The following TMEM43 variants were observed in gnomAD, a reference collection of about 807,000 sequenced individuals.
The protein encoded by TMEM43 is transmembrane protein 43.
A neutral mutation model predicts 49.6 loss-of-function variants in TMEM43; 45 were observed. That is an observed-to-expected ratio of 0.91 (90% CI 0.71 to 1.16). TMEM43 has a LOEUF of 1.16. Ranked by LOEUF, TMEM43 falls within the 50% of genes most tolerant of loss-of-function variation. The probability of loss-of-function intolerance (pLI) is 0.00; values close to 1 mark genes in which losing one functional copy is unlikely to be tolerated. For synonymous variants in TMEM43, 199 were observed against 207.8 expected (o/e 0.96, Z 0.36); for missense variants, 532 against 516.6 (o/e 1.03, Z -0.29).
At chr3:14,135,336 G>T in intron 9 of TMEM43, 104 bp downstream of exon 9, 1 of 965,370 alleles carries the variant, frequency 1.0e-6, no homozygotes. Flanking sequence ...CCTTTTCCCT[G>T]GGGAAAGGCA....
chr3:14,132,514 T>C (rs765773804), intron 4 of TMEM43, 32 bp from the exon 5 acceptor site: 67 of 1,613,868 alleles, frequency 4.2e-5, no homozygotes, highest in Non-Finnish European at 5.3e-5. Context: ...GCGACGAGGC[T>C]AACCCCCGTG....
At chr3:14,132,654 G>A (rs1272658806) in intron 5 of TMEM43, 59 bp downstream of exon 5, 2 of 1,586,050 alleles carry the variant, frequency 1.3e-6, no homozygotes, top group Non-Finnish European at 8.7e-7. Context: ...AGTGGTGGCT[G>A]GACAGCAGGG....
Position 14,142,387 on chromosome 3 carries a change from C to T in TMEM43, c.*592C>T, listed in dbSNP as rs1479951946. 2 of 158,112 alleles carry T rather than the reference C, an allele frequency of 1.3e-5. No homozygotes were observed. The highest frequency in any genetic ancestry group is 1.2e-4 in the Admixed American group (2 of 16,710). 9.8% of individuals were successfully genotyped at this position (158,112 alleles called of 1,614,324 possible). On this transcript the variant is annotated 3_prime_UTR_variant, in exon 12 of 12. Transcript: ENST00000306077. ...AAAAGAGAAGAAACACTGAAGATGT[C>T]CTGAGGAGAAAAGCTGGACATATAC... is the stretch of plus-strand genomic sequence containing the variant.
intron 10 of TMEM43, chr3:14,137,780 C>T (rs1468269584): frequency 1.3e-5 from 2 of 152,268 alleles, no homozygotes; most frequent in African/African-American, 4.8e-5. Flanking sequence ...GTAATAGTCA[C>T]ATCATCCCTA....
intron 8 of TMEM43, 105 bp from the exon 9 acceptor site, chr3:14,135,053 G>A: frequency 6.8e-7 from 1 of 1,479,332 alleles, no homozygotes; most frequent in South Asian, 1.1e-5. Context: ...GGGCACGGGT[G>A]TGGAGGTGGG....
chr3:14,130,044 T>TCTTC (rs919774984), intron 2 of TMEM43, among the ~76,000 whole-genome samples: 2 of 150,024 alleles, frequency 1.3e-5, no homozygotes, highest in Non-Finnish European at 1.5e-5. Flanking sequence ...TTTGTTCCTT[T>TCTTC]CTTCCTTCCT....
chr3:14,141,924 A>C lies in TMEM43; in HGVS notation c.*129A>C. 2 of 880,412 alleles carry C rather than the reference A, an allele frequency of 2.3e-6. No homozygotes were observed. The highest frequency in any genetic ancestry group is 3.4e-6 in the Non-Finnish European group (2 of 581,352). 54.5% of individuals were successfully genotyped at this position (880,412 alleles called of 1,614,324 possible). On this transcript the variant is annotated 3_prime_UTR_variant, in exon 12 of 12. Coordinates refer to ENST00000306077, the MANE Select transcript of TMEM43 (RefSeq NM_024334.3). ...GGACTCTGCACTCCCTCTCCTCTTC[A>C]GGGGCCAGACTTGGCAGCATGTGCA...
intron 6 of TMEM43, 107 bp from the exon 7 acceptor site, chr3:14,133,632 C>T (rs538468268): frequency 2.0e-6 from 2 of 1,023,864 alleles, no homozygotes; most frequent in South Asian, 2.5e-5. Flanking sequence ...CTAATCTGGA[C>T]TTGCAGGAAC....
At chr3:14,133,910 G>C in intron 7 of TMEM43, 101 bp downstream of exon 7, 1 of 1,075,456 alleles carries the variant, frequency 9.3e-7, no homozygotes, top group South Asian at 1.2e-5. Flanking sequence ...AAAGGCACAG[G>C]ATCAGTCTGC....
intron 11 of TMEM43, 110 bp from the exon 12 acceptor site, chr3:14,141,483 C>T (rs1164951764): frequency 5.7e-6 from 6 of 1,053,318 alleles, no homozygotes; most frequent in South Asian, 1.3e-5. Context: ...CCTCTCCCCT[C>T]CTCATGCATG....
At chr3:14,132,470 C>T in intron 4 of TMEM43, 76 bp from the exon 5 acceptor site, 1 of 1,543,202 alleles carries the variant, frequency 6.5e-7, no homozygotes, top group Non-Finnish European at 9.0e-7. Flanking sequence ...GAGGTTGCTT[C>T]CTGCTCAGAT....
chr3:14,135,659 C>T, intron 9 of TMEM43, 148 bp from the exon 10 acceptor site: 1 of 637,286 alleles, frequency 1.6e-6, no homozygotes, highest in South Asian at 1.8e-5. Context: ...GTGGATGCAT[C>T]CCAGATGGAT....
intron 10 of TMEM43, among the ~76,000 whole-genome samples, chr3:14,138,279 A>C (rs972351050): frequency 6.6e-6 from 1 of 152,214 alleles, no homozygotes; most frequent in African/African-American, 2.4e-5. Flanking sequence ...AGCAGCCAGC[A>C]GGGTCAGGGC....
chr3:14,136,826 C>T (rs952156294), intron 10 of TMEM43, among the ~76,000 whole-genome samples: 2 of 148,978 alleles, frequency 1.3e-5, no homozygotes, highest in Admixed American at 6.8e-5. Flanking sequence ...ATGCCTACCC[C>T]GGGTCCCAAG....
At chr3:14,130,671 C>T (rs1695080896) in intron 2 of TMEM43, 151 bp from the exon 3 acceptor site, 1 of 1,005,000 alleles carries the variant, frequency 1.0e-6, no homozygotes, top group Non-Finnish European at 1.4e-6. Context: ...CCTTACTCTC[C>T]ACTTGCTAGA....
At chr3:14,135,130 A>G in intron 8 of TMEM43, 28 bp from the exon 9 acceptor site, 11 of 1,603,486 alleles carry the variant, frequency 6.9e-6, no homozygotes, top group Non-Finnish European at 9.4e-6. Context: ...TCCGTTCCTC[A>G]CTCTCCCTGC....
At chr3:14,125,954 G>T (rs1243142236) in intron 1 of TMEM43, among the ~76,000 whole-genome samples, 1 of 152,160 alleles carries the variant, frequency 6.6e-6, no homozygotes, top group Non-Finnish European at 1.5e-5. Context: ...AGAAGCTGGT[G>T]ACTCACCTCT....
At chr3:14,125,357 C>CA (rs1439777225) in intron 1 of TMEM43, 152 bp downstream of exon 1, 1 of 960,648 alleles carries the variant, frequency 1.0e-6, no homozygotes, top group African/African-American at 1.6e-5. Flanking sequence ...GTGCCTTCGC[C>CA]AGCTCATCCC....
intron 5 of TMEM43, 73 bp from the exon 6 acceptor site, chr3:14,132,793 G>A: frequency 3.4e-6 from 5 of 1,486,426 alleles, no homozygotes; most frequent in Non-Finnish European, 3.8e-6. Flanking sequence ...TGAGATAGGA[G>A]GAGCTGGGCT....
Sources: allele counts gnomAD v4.1 joint callset (sites outside exome capture counted in the v4.1 genomes callset), GRCh38; gene constraint gnomAD v4.1.1; transcripts MANE v1.5; gene names NCBI Gene and HGNC (gene_info 2026-07-23, HGNC 2026-07-21).